Variants in HNF4G observed in about 807,000 individuals in gnomAD.
HNF4G encodes the protein hepatocyte nuclear factor 4-gamma.
In HNF4G, 21 loss-of-function variants were observed where a neutral mutation model predicts 50.9. The observed-to-expected ratio is 0.41, with a 90% CI of 0.29 to 0.59. HNF4G has a LOEUF of 0.59. Among genes scored for constraint, HNF4G ranks in the 20% least tolerant of loss-of-function variants. HNF4G has a pLI of 0.26. For missense variants in HNF4G, 527 were observed against 559.4 expected (o/e 0.94, Z 0.58); for synonymous variants, 198 against 185.6 (o/e 1.07, Z -0.54).
intron 3 of HNF4G, 105 bp downstream of exon 3, chr8:75,547,786 C>T: frequency 1.4e-6 from 1 of 737,620 alleles, no homozygotes; most frequent in Non-Finnish European, 2.3e-6. Context: ...TCTAATTTTC[C>T]TCAATATAAT....
intron 1 of HNF4G, among the ~76,000 whole-genome samples, chr8:75,483,248 C>T (rs1812421205): frequency 8.1e-6 from 1 of 123,630 alleles, no homozygotes. Context: ...TCAAATAAGT[C>T]ACTTAATTTT....
chr8:75,439,581 G>A (rs1007046255), intron 1 of HNF4G, among the ~76,000 whole-genome samples: 4 of 151,942 alleles, frequency 2.6e-5, no homozygotes, highest in African/African-American at 4.8e-5. Context: ...AGTGTAAACA[G>A]CAATGAATAT....
chr8:75,456,009 G>T (rs1260246165), intron 1 of HNF4G, among the ~76,000 whole-genome samples: 2 of 152,044 alleles, frequency 1.3e-5, no homozygotes, highest in Non-Finnish European at 2.9e-5. Context: ...TACGAGCTTT[G>T]CCATTTTATG....
chr8:75,439,412 T>C (rs1187747762), intron 1 of HNF4G, among the ~76,000 whole-genome samples: 1 of 152,046 alleles, frequency 6.6e-6, no homozygotes, highest in Non-Finnish European at 1.5e-5. Context: ...TCAATGATAA[T>C]TTTTTGCTGA....
At chr8:75,525,174 TTC>T (rs1806145022) in intron 2 of HNF4G, among the ~76,000 whole-genome samples, 1 of 152,048 alleles carries the variant, frequency 6.6e-6, no homozygotes. Flanking sequence ...CCAACATCTT[TTC>T]TGATTTTTTT....
intron 2 of HNF4G, among the ~76,000 whole-genome samples, chr8:75,530,516 G>A (rs186457342): frequency 6.6e-6 from 1 of 151,892 alleles, no homozygotes; most frequent in African/African-American, 2.4e-5. Flanking sequence ...CTGACATTTA[G>A]GCAGAATTTC....
intron 1 of HNF4G, among the ~76,000 whole-genome samples, chr8:75,466,577 C>CTTCCTTCCTTCT (rs1811980296): frequency 1.4e-5 from 1 of 73,984 alleles, no homozygotes; most frequent in African/African-American, 5.4e-5. Flanking sequence ...TCGCTCCTTC[C>CTTCCTTCCTTCT]TTCCTTCCTT....
chr8:75,427,819 T>C (rs932955140), intron 1 of HNF4G, among the ~76,000 whole-genome samples: 1 of 152,120 alleles, frequency 6.6e-6, no homozygotes, highest in African/African-American at 2.4e-5. Context: ...ATGTTATGTG[T>C]ATTATATCAA....
At chr8:75,523,746 C>T (rs1165250928) in intron 2 of HNF4G, among the ~76,000 whole-genome samples, 1 of 151,610 alleles carries the variant, frequency 6.6e-6, no homozygotes, top group Non-Finnish European at 1.5e-5. Context: ...TTTTATAATA[C>T]TAAATAGAGT....
At chr8:75,464,243 T>TTG (rs1408386182) in intron 1 of HNF4G, among the ~76,000 whole-genome samples, 1 of 151,918 alleles carries the variant, frequency 6.6e-6, no homozygotes, top group African/African-American at 2.4e-5. Flanking sequence ...CTCTCTTTTT[T>TTG]TTTTAACTCA....
intron 3 of HNF4G, 33 bp from the exon 4 acceptor site, chr8:75,551,355 G>GT: frequency 8.2e-7 from 1 of 1,215,116 alleles, no homozygotes; most frequent in Non-Finnish European, 1.2e-6. Context: ...CTAAAGAGAA[G>GT]TGCTCAATAA....
intron 1 of HNF4G, among the ~76,000 whole-genome samples, chr8:75,425,567 A>G (rs998741626): frequency 8.1e-5 from 12 of 147,828 alleles, no homozygotes; most frequent in Non-Finnish European, 8.9e-5. Flanking sequence ...ATTATATAAT[A>G]TATGTTATAT....
At chr8:75,430,336 A>AT (rs1810981582) in intron 1 of HNF4G, among the ~76,000 whole-genome samples, 1 of 152,096 alleles carries the variant, frequency 6.6e-6, no homozygotes, top group African/African-American at 2.4e-5. Context: ...TTACAAGACC[A>AT]TTTTTTGTAA....
intron 1 of HNF4G, among the ~76,000 whole-genome samples, chr8:75,457,208 G>A (rs1811743898): frequency 6.6e-6 from 1 of 152,146 alleles, no homozygotes. Flanking sequence ...CAGTTGTAAA[G>A]AGGACCCACA....
chr8:75,451,949 C>T (rs994329662), intron 1 of HNF4G, among the ~76,000 whole-genome samples: 10 of 152,172 alleles, frequency 6.6e-5, no homozygotes, highest in Admixed American at 6.5e-4. Flanking sequence ...ATTTCATGCA[C>T]AATGTCTGAA....
At chr8:75,427,348 C>T (rs185295038) in intron 1 of HNF4G, among the ~76,000 whole-genome samples, 121 of 152,192 alleles carry the variant, frequency 8.0e-4, no homozygotes, top group African/African-American at 2.6e-3. Flanking sequence ...AAGGCTGAGG[C>T]GGGTGGATCA....
At position 75,499,110 on chromosome 8, in the gene HNF4G, G is replaced by C. The variant is rs111411115; in HGVS notation, c.-24+8902G>C. ...AACTATGTCAATTTGCAGATGACATGATGTTTTATATAGAAAGCCCCAAGA... is the reference window on the plus strand; with the variant it reads ...AACTATGTCAATTTGCAGATGACATCATGTTTTATATAGAAAGCCCCAAGA... On this transcript the variant is annotated intron_variant, in intron 2 of 10. Coordinates refer to the HNF4G transcript ENST00000354370. 4.5e-4 allele frequency among the ~76,000 whole-genome samples: 68 copies of C among 152,170 alleles called. 2 individuals are homozygous for C. Among genetic ancestry groups the C allele is most frequent in the African/African-American group, 1.6e-3 (66 of 41,566 alleles).
At chr8:75,562,790 C>T (rs1339295627) in intron 9 of HNF4G, among the ~76,000 whole-genome samples, 3 of 152,094 alleles carry the variant, frequency 2.0e-5, no homozygotes, top group Admixed American at 6.6e-5. Context: ...TTACTATGCT[C>T]ATTTGAAATA....
intron 6 of HNF4G, among the ~76,000 whole-genome samples, chr8:75,556,861 G>C (rs1258558854): frequency 6.6e-6 from 1 of 152,098 alleles, no homozygotes; most frequent in African/African-American, 2.4e-5. Context: ...AAATGCACTG[G>C]TCTAAGTACA....
Sources: allele counts gnomAD v4.1 joint callset (sites outside exome capture counted in the v4.1 genomes callset), GRCh38; gene constraint gnomAD v4.1.1; transcripts MANE v1.5; gene names NCBI Gene and HGNC (gene_info 2026-07-23, HGNC 2026-07-21).